The following TCAIM variants were observed in gnomAD, a reference collection of about 807,000 sequenced individuals.
The protein encoded by TCAIM is T cell activation inhibitor, mitochondrial.
In TCAIM, 36 loss-of-function variants were observed where a neutral mutation model predicts 58.6. That is an observed-to-expected ratio of 0.61 (90% CI 0.47 to 0.81). The LOEUF (loss-of-function observed/expected upper bound fraction) is 0.81, where lower values mean the gene tolerates loss of function less well. Among genes scored for constraint, TCAIM ranks in the 30% least tolerant of loss-of-function variants. TCAIM has a pLI of 0.00. For missense variants in TCAIM, 466 were observed against 579.6 expected (o/e 0.80, Z 2.01); for synonymous variants, 172 against 193.6 (o/e 0.89, Z 0.93).
chr3:44,401,328 A>G lies in TCAIM; in HGVS notation c.1244A>G (p.Lys415Arg). 3 of 1,613,944 alleles carry G rather than the reference A, an allele frequency of 1.9e-6. No homozygotes were observed. Among genetic ancestry groups the G allele is most frequent in the African/African-American group, 1.3e-5 (1 of 75,054 alleles). Residue 415 changes from lysine (K) to arginine (R), a missense_variant, in exon 10 of 11, where the codon AAG (lysine) becomes AGG (arginine). By Grantham distance (26) the Lys-to-Arg change is conservative. Coordinates refer to ENST00000342649, the MANE Select transcript of TCAIM (RefSeq NM_173826.4). ...AQQARENMKR[K>R]EELKVIENEL... ...CAGGCAAGAGAGAACATGAAAAGAA[A>G]GGAAGAGTAAGTACTGCCAGTCTTC... is the stretch of plus-strand genomic sequence containing the variant.
chr3:44,386,399 G>A lies in TCAIM; in HGVS notation c.573-6456G>A, dbSNP rs547528680. On this transcript the variant is annotated intron_variant, in intron 5 of 10. Transcript: ENST00000342649. ...CAGCTGCAGCAGGAGAGACGTGTCC[G>A]GGGCTGCGTGCTCTACAGAGCTGGT... Among the ~76,000 whole-genome samples, 14 of 152,246 alleles carry A rather than the reference G, an allele frequency of 9.2e-5. No individual in the cohort carries two copies. The South Asian group carries it at 1.0e-3, about 11-fold the overall frequency.
At chr3:44,384,561 A>G (rs979752725) in intron 5 of TCAIM, among the ~76,000 whole-genome samples, 2 of 152,242 alleles carry the variant, frequency 1.3e-5, no homozygotes, top group African/African-American at 4.8e-5. Context: ...CTGAACAAGT[A>G]TACAGCCAAT....
chr3:44,348,288 AC>A (rs1701013147), intron 1 of TCAIM, among the ~76,000 whole-genome samples: 1 of 152,238 alleles, frequency 6.6e-6, no homozygotes, highest in Non-Finnish European at 1.5e-5. Flanking sequence ...GTCTTCAGCC[AC>A]TAAGCTGAGA....
At chr3:44,373,426 G>C (rs1159136742) in intron 5 of TCAIM, among the ~76,000 whole-genome samples, 6 of 152,016 alleles carry the variant, frequency 3.9e-5, no homozygotes, top group African/African-American at 1.5e-4. Flanking sequence ...GGCACTTTGG[G>C]AAGCTGAGGT....
intron 5 of TCAIM, among the ~76,000 whole-genome samples, chr3:44,372,015 AAGGAAGG>A (rs1701480499): frequency 2.2e-5 from 1 of 45,844 alleles, no homozygotes; most frequent in African/African-American, 8.0e-5. Context: ...AGAGAGAAGG[AAGGAAGG>A]AAGGAAGGAA....
intron 1 of TCAIM, among the ~76,000 whole-genome samples, chr3:44,348,852 A>C (rs1486709735): frequency 6.6e-6 from 1 of 152,156 alleles, no homozygotes; most frequent in Non-Finnish European, 1.5e-5. Flanking sequence ...CCTAAGTGCT[A>C]ACTGATTTGG....
At position 44,367,680 on chromosome 3, in the gene TCAIM, C is replaced by A; in HGVS notation, c.544C>A (p.Gln182Lys). 1 of 1,613,392 alleles carries A rather than the reference C, an allele frequency of 6.2e-7. No individual in the cohort carries two copies. Reference sequence around the variant, plus strand: ...CAAGGACCCTGATGAAGACCTTGAACAAGTCTCGAGAGTGGAAACAACTCT... The same window carrying A: ...CAAGGACCCTGATGAAGACCTTGAAAAAGTCTCGAGAGTGGAAACAACTCT... ...GFKDPDEDLE[Q>K]VSRVETTLTS... Residue 182 changes from glutamine (Q) to lysine (K), a missense_variant, in exon 5 of 11, where the codon CAA becomes AAA. Physicochemically the swap from Gln to Lys is moderately conservative, Grantham distance 53 (BLOSUM62 1). Coordinates refer to ENST00000342649, the MANE Select transcript of TCAIM (RefSeq NM_173826.4).
intron 5 of TCAIM, among the ~76,000 whole-genome samples, chr3:44,382,614 T>C (rs1005452360): frequency 6.6e-6 from 1 of 152,304 alleles, no homozygotes; most frequent in Non-Finnish European, 1.5e-5. Context: ...TTGACTGAAA[T>C]GTAAGACCTA....
chr3:44,350,657 G>C (rs1038653616), intron 1 of TCAIM, among the ~76,000 whole-genome samples: 3 of 151,996 alleles, frequency 2.0e-5, no homozygotes, highest in African/African-American at 7.2e-5. Context: ...TGAACTCCTG[G>C]CCTGAAGCAA....
At chr3:44,404,852 A>G (rs1398210011) in intron 10 of TCAIM, among the ~76,000 whole-genome samples, 1 of 150,724 alleles carries the variant, frequency 6.6e-6, no homozygotes, top group Admixed American at 6.6e-5. Flanking sequence ...CACCAACCTA[A>G]TAAAAAAGAT....
intron 5 of TCAIM, among the ~76,000 whole-genome samples, chr3:44,392,563 G>T (rs1460875097): frequency 1.3e-5 from 2 of 152,162 alleles, no homozygotes; most frequent in Non-Finnish European, 2.9e-5. Context: ...GTTTATAAGT[G>T]AGAACATGCA....
chr3:44,403,718 A>G (rs1412779421), intron 10 of TCAIM, among the ~76,000 whole-genome samples: 1 of 152,210 alleles, frequency 6.6e-6, no homozygotes, highest in African/African-American at 2.4e-5. Flanking sequence ...TGCTCAGGCG[A>G]ATAAAAACCC....
At chr3:44,380,968 A>G (rs1433191967) in intron 5 of TCAIM, among the ~76,000 whole-genome samples, 1 of 152,198 alleles carries the variant, frequency 6.6e-6, no homozygotes, top group Non-Finnish European at 1.5e-5. Flanking sequence ...ATAGAAAATG[A>G]GACTGAGTCA....
intron 5 of TCAIM, among the ~76,000 whole-genome samples, chr3:44,376,153 G>A (rs544456872): frequency 6.6e-6 from 1 of 152,310 alleles, no homozygotes; most frequent in South Asian, 2.1e-4. Flanking sequence ...TAGATTAGTG[G>A]TTGGTAGGGC....
chr3:44,404,654 C>G (rs180670641), intron 10 of TCAIM, among the ~76,000 whole-genome samples: 60 of 152,092 alleles, frequency 3.9e-4, no homozygotes, highest in African/African-American at 1.3e-3. Context: ...TCATTATATT[C>G]GAAGAGCAGT....
At chr3:44,405,712 T>C (rs1203022931) in intron 10 of TCAIM, among the ~76,000 whole-genome samples, 1 of 151,514 alleles carries the variant, frequency 6.6e-6, no homozygotes, top group Non-Finnish European at 1.5e-5. Flanking sequence ...TCCCAGCACT[T>C]TGGGAGGCTG....
intron 1 of TCAIM, among the ~76,000 whole-genome samples, chr3:44,339,257 A>T (rs188843740): frequency 4.6e-5 from 7 of 152,300 alleles, no homozygotes; most frequent in African/African-American, 1.7e-4. Context: ...TCCCTCCTTG[A>T]TATAACAAAC....
chr3:44,371,344 C>T (rs1559570527), intron 5 of TCAIM, among the ~76,000 whole-genome samples: 1 of 152,144 alleles, frequency 6.6e-6, no homozygotes, highest in Non-Finnish European at 1.5e-5. Context: ...AGACATGAGC[C>T]ACCATGCCCG....
At position 44,367,579 on chromosome 3, in the gene TCAIM, AG is replaced by A. The variant is rs1321971177; in HGVS notation, c.444del (p.Gln148HisfsTer47). 6.2e-7 allele frequency: 1 copy of A among 1,614,020 alleles called. No individual in the cohort carries two copies. Among genetic ancestry groups the A allele is most frequent in the East Asian group, 2.2e-5 (1 of 44,868 alleles). On this transcript the variant is annotated frameshift_variant, in exon 5 of 11. Transcript: ENST00000342649. LOFTEE classifies it high-confidence loss of function. Reference sequence around the variant, plus strand: ...AGCTTGAATACTAATATGCATACCCAGCCTCTCAAAGAAGCTAAAAGGATGC... The same window carrying A: ...AGCTTGAATACTAATATGCATACCCACCTCTCAAAGAAGCTAAAAGGATGC... The part of the protein sequence containing the change: ...IQSLNTNMHT[Q>X]PLKEAKRMPD...
Sources: allele counts gnomAD v4.1 joint callset (sites outside exome capture counted in the v4.1 genomes callset), GRCh38; gene constraint gnomAD v4.1.1; transcripts MANE v1.5; gene names NCBI Gene and HGNC (gene_info 2026-07-23, HGNC 2026-07-21).